The following SFXN1 variants were observed in gnomAD, a reference collection of about 807,000 sequenced individuals.
SFXN1 encodes sideroflexin 1, also known as sideroflexin-1.
SFXN1 carries 32 observed loss-of-function variants against 39.5 expected under a neutral mutation model. The ratio of observed to expected loss-of-function variants is 0.81; its 90% CI spans 0.61 to 1.09. The LOEUF (loss-of-function observed/expected upper bound fraction) is 1.09, where lower values mean the gene tolerates loss of function less well. Among genes scored for constraint, SFXN1 ranks in the 50% least tolerant of loss-of-function variants. SFXN1 has a pLI of 0.00. For missense variants in SFXN1, 402 were observed against 407.1 expected (o/e 0.99, Z 0.11); for synonymous variants, 136 against 146.5 (o/e 0.93, Z 0.52).
chr5:175,511,355 C>A (rs2113336042), intron 4 of SFXN1, 96 bp from the exon 5 acceptor site: 1 of 909,902 alleles, frequency 1.1e-6, no homozygotes, highest in Non-Finnish European at 1.8e-6. Context: ...CTGAATCATG[C>A]TCTTTTATAT....
chr5:175,481,905 A>G (rs1052235568), intron 1 of SFXN1, among the ~76,000 whole-genome samples: 2 of 152,234 alleles, frequency 1.3e-5, no homozygotes, highest in East Asian at 3.8e-4. Flanking sequence ...GACCAGCCCA[A>G]CAGAAATCAG....
intron 2 of SFXN1, among the ~76,000 whole-genome samples, chr5:175,504,414 C>T (rs1300970082): frequency 6.7e-6 from 1 of 149,544 alleles, no homozygotes; most frequent in Admixed American, 6.7e-5. Context: ...GTCTCTACTA[C>T]AAACACAAAA....
intron 2 of SFXN1, among the ~76,000 whole-genome samples, chr5:175,505,537 CAATAATAATAATAAT>C (rs3049011): frequency 4.9e-5 from 7 of 143,852 alleles, no homozygotes; most frequent in Admixed American, 2.8e-4. Context: ...AACTCCATCA[CAATAATAATAATAAT>C]AATAATAATA....
chr5:175,504,003 C>CAAAAAAA (rs56776430), intron 2 of SFXN1, among the ~76,000 whole-genome samples: 2 of 51,962 alleles, frequency 3.8e-5, no homozygotes, highest in Non-Finnish European at 4.1e-5. Flanking sequence ...CACTCCATCT[C>CAAAAAAA]AAAAAAAAAA....
At chr5:175,499,134 T>G (rs140966817) in intron 2 of SFXN1, among the ~76,000 whole-genome samples, 1 of 151,804 alleles carries the variant, frequency 6.6e-6, no homozygotes, top group East Asian at 1.9e-4. Context: ...TTATGCCTGT[T>G]ATCCCAGCTA....
At position 175,519,864 on chromosome 5, in the gene SFXN1, CTTTTTTTTTTT is replaced by C. The variant is rs369561037; in HGVS notation, c.775-2041_775-2031del. The stretch of plus-strand genomic sequence containing the variant: ...CACTAACTTTTCAGGGGGTTTTTTG[CTTTTTTTTTTT>C]TTTTTTTTTTTTTGAGACCGAGTCT... On this transcript the variant is annotated intron_variant, in intron 8 of 10. Transcript: ENST00000321442. Among the ~76,000 whole-genome samples, 5 of 77,256 alleles carry C rather than the reference CTTTTTTTTTTT, an allele frequency of 6.5e-5. No homozygotes were observed. The South Asian group carries it at 1.4e-3, about 22-fold the overall frequency. The allele number at this position is 77,256 out of a possible 152,430, so 50.7% of individuals were successfully genotyped here. A position where few individuals can be genotyped will look rare whatever the true frequency, so the allele number is the denominator to read the frequency against.
chr5:175,522,659 T>C (rs1401808183), intron 10 of SFXN1: 2 of 457,334 alleles, frequency 4.4e-6, no homozygotes, highest in East Asian at 3.6e-5. Context: ...CTTTATTCTT[T>C]TGTGAGAATC....
At chr5:175,499,433 A>G (rs909615365) in intron 2 of SFXN1, among the ~76,000 whole-genome samples, 10 of 152,222 alleles carry the variant, frequency 6.6e-5, no homozygotes, top group Admixed American at 6.5e-4. Context: ...TCTTAACAGA[A>G]TTTAACAAAT....
Position 175,512,102 on chromosome 5 carries a change from C to T in SFXN1, c.511-9C>T, listed in dbSNP as rs536293621. 5.0e-5 allele frequency: 81 copies of T among 1,612,848 alleles called. 1 individual carries two copies. The South Asian group carries it at 8.7e-4, about 17-fold the overall frequency. ...TAAGATAAAGCTCTTGAAATTTTCT[C>T]CTCTGCAGCATGTCTCACCACTGAT... On this transcript the variant is annotated splice_polypyrimidine_tract_variant and intron_variant, in intron 5 of 10. Transcript: ENST00000321442.
intron 1 of SFXN1, chr5:175,491,533 G>A (rs1027565716): frequency 4.6e-5 from 7 of 151,338 alleles, no homozygotes; most frequent in Non-Finnish European, 7.4e-5. Flanking sequence ...GGAGTGCAGC[G>A]GCATGATGAT....
chr5:175,516,548 G>GA lies in SFXN1; in HGVS notation c.725-57dup, dbSNP rs3215174. ...GACAGAAGCTTTCTGTCAAATGGTTGAAAAAAAAAGTAAGCTGAAAATTGG... is the reference window on the plus strand; with the variant it reads ...GACAGAAGCTTTCTGTCAAATGGTTGAAAAAAAAAAGTAAGCTGAAAATTGG... On this transcript the variant is annotated intron_variant, in intron 7 of 10. Transcript: ENST00000321442. 4,141 of 1,413,588 alleles carry GA rather than the reference G, an allele frequency of 2.9e-3. 17 individuals are homozygous for GA. The highest frequency in any genetic ancestry group is 0.015 in the South Asian group (1,181 of 78,718). The allele number at this position is 1,413,588 out of a possible 1,614,324, so 87.6% of individuals were successfully genotyped here. A position where few individuals can be genotyped will look rare whatever the true frequency, so the allele number is the denominator to read the frequency against.
At chr5:175,513,390 C>A in intron 6 of SFXN1, 73 bp from the exon 7 acceptor site, 1 of 1,512,316 alleles carries the variant, frequency 6.6e-7, no homozygotes, top group Non-Finnish European at 9.0e-7. Flanking sequence ...GTTGATCTTT[C>A]CCAACATAGT....
chr5:175,479,123 G>T (rs867693246), intron 1 of SFXN1, among the ~76,000 whole-genome samples: 1 of 152,252 alleles, frequency 6.6e-6, no homozygotes, highest in South Asian at 2.1e-4. Context: ...CCTAGAACTC[G>T]CAATCCAGTA....
chr5:175,499,738 G>A (rs1035317611), intron 2 of SFXN1, among the ~76,000 whole-genome samples: 1 of 152,186 alleles, frequency 6.6e-6, no homozygotes, highest in African/African-American at 2.4e-5. Flanking sequence ...GCAAGGCAAG[G>A]ATTTCTGCTC....
intron 7 of SFXN1, among the ~76,000 whole-genome samples, 166 bp from the exon 8 acceptor site, chr5:175,516,448 A>G (rs909680573): frequency 1.3e-5 from 2 of 152,214 alleles, no homozygotes; most frequent in African/African-American, 2.4e-5. Context: ...TTTTCAATCT[A>G]ATGAATTCAA....
At chr5:175,487,052 C>T (rs1394564408) in intron 1 of SFXN1, among the ~76,000 whole-genome samples, 2 of 152,128 alleles carry the variant, frequency 1.3e-5, no homozygotes, top group Non-Finnish European at 2.9e-5. Flanking sequence ...CACCGGGGAA[C>T]ATCACAGATC....
chr5:175,482,322 T>C (rs1759285386), intron 1 of SFXN1, among the ~76,000 whole-genome samples: 1 of 152,220 alleles, frequency 6.6e-6, no homozygotes, highest in African/African-American at 2.4e-5. Flanking sequence ...ATTGGTACTC[T>C]TTAGCCAAGA....
chr5:175,514,890 G>C (rs1760666066), intron 7 of SFXN1, among the ~76,000 whole-genome samples: 1 of 152,232 alleles, frequency 6.6e-6, no homozygotes, highest in South Asian at 2.1e-4. Context: ...CCAGGGACCA[G>C]CACGTTTGTC....
At position 175,493,880 on chromosome 5, in the gene SFXN1, G is replaced by C. The variant is rs1427840576; in HGVS notation, c.164+1613G>C. Among the ~76,000 whole-genome samples, 56 of 152,154 alleles carry C rather than the reference G, an allele frequency of 3.7e-4. 1 individual carries two copies. Among genetic ancestry groups the C allele is most frequent in the Admixed American group, 3.7e-3 (56 of 15,272 alleles). ...AGGCTTTACAGGCCATGCATTCTTT[G>C]TCACATATTCTTGTTTGTTTTTACA... On this transcript the variant is annotated intron_variant, in intron 2 of 10. Transcript: ENST00000321442.
Sources: allele counts gnomAD v4.1 joint callset (sites outside exome capture counted in the v4.1 genomes callset), GRCh38; gene constraint gnomAD v4.1.1; transcripts MANE v1.5; gene names NCBI Gene and HGNC (gene_info 2026-07-23, HGNC 2026-07-21).